Variants in PCDH15 observed in about 807,000 individuals in gnomAD.
The protein encoded by PCDH15 is protocadherin-15.
In PCDH15, 129 loss-of-function variants were observed where a neutral mutation model predicts 178.5. That is an observed-to-expected ratio of 0.72 (90% confidence interval 0.63 to 0.84). The LOEUF is 0.84. Among genes scored for constraint, PCDH15 ranks in the 40% least tolerant of loss-of-function variants. PCDH15 has a pLI of 0.00. For missense variants in PCDH15, 2,230 were observed against 2,099.9 expected (o/e 1.06, Z -1.21); for synonymous variants, 800 against 732.0 (o/e 1.09, Z -1.50).
chr10:54,504,318 C>A (rs1002064927), intron 3 of PCDH15, among the ~76,000 whole-genome samples: 1 of 152,102 alleles, frequency 6.6e-6, no homozygotes, highest in African/African-American at 2.4e-5. Flanking sequence ...CCAACTTGGT[C>A]TTTTTGTCTT....
intron 2 of PCDH15, among the ~76,000 whole-genome samples, chr10:55,475,292 G>T (rs1840040706): frequency 6.6e-6 from 1 of 152,036 alleles, no homozygotes; most frequent in Admixed American, 6.6e-5. Flanking sequence ...ACTAGGTTGG[G>T]AAAAGACAAA....
At chr10:54,894,778 C>A (rs914408446) in intron 3 of PCDH15, among the ~76,000 whole-genome samples, 1 of 152,138 alleles carries the variant, frequency 6.6e-6, no homozygotes, top group Non-Finnish European at 1.5e-5. Flanking sequence ...AAAGCAGGCA[C>A]CTTCTGCTTC....
chr10:55,176,512 A>G (rs1238743631), intron 1 of PCDH15, among the ~76,000 whole-genome samples: 1 of 152,142 alleles, frequency 6.6e-6, no homozygotes, highest in East Asian at 1.9e-4. Context: ...AACCAGAGAC[A>G]AGATCCCAAA....
intron 8 of PCDH15, among the ~76,000 whole-genome samples, chr10:54,308,865 C>T (rs142917285): frequency 6.7e-4 from 102 of 151,870 alleles, no homozygotes; most frequent in African/African-American, 1.8e-3. Context: ...ACAATACTTG[C>T]TGAATTTTAG....
chr10:54,265,765 A>C (rs923213980), intron 8 of PCDH15, among the ~76,000 whole-genome samples: 1 of 152,086 alleles, frequency 6.6e-6, no homozygotes, highest in African/African-American at 2.4e-5. Flanking sequence ...TGGAGCACCA[A>C]GATTCATAAA....
chr10:55,169,264 CA>C (rs1378544144), intron 1 of PCDH15, among the ~76,000 whole-genome samples: 3 of 152,100 alleles, frequency 2.0e-5, no homozygotes, highest in Non-Finnish European at 2.9e-5. Context: ...GTAGTCATTG[CA>C]CAGTGTATAT....
chr10:54,356,565 A>G lies in PCDH15; in HGVS notation c.475-10081T>C, dbSNP rs2099032414. Among the ~76,000 whole-genome samples, 8 of 151,738 alleles carry G rather than the reference A, an allele frequency of 5.3e-5. No individual in the cohort carries two copies. The Admixed American group carries it at 5.3e-4, about 10-fold the overall frequency. On this transcript the variant is annotated intron_variant, in intron 5 of 37. Coordinates refer to ENST00000644397, the MANE Select transcript of PCDH15 (RefSeq NM_001384140.1). ...GTATGACATACTTATATATACATAT[A>G]ATATATGCTGTATATTTATCATACA...
intron 2 of PCDH15, among the ~76,000 whole-genome samples, chr10:55,462,851 A>G (rs1839708936): frequency 6.6e-6 from 1 of 152,160 alleles, no homozygotes; most frequent in Non-Finnish European, 1.5e-5. Context: ...TATTTTGAGA[A>G]TCACAAGTAA....
chr10:54,974,595 T>C (rs1002918157), intron 2 of PCDH15, among the ~76,000 whole-genome samples: 1 of 152,148 alleles, frequency 6.6e-6, no homozygotes, highest in East Asian at 1.9e-4. Flanking sequence ...CTTTTTACTT[T>C]CTTAACATTG....
chr10:55,087,639 T>C (rs1331889560), intron 2 of PCDH15, among the ~76,000 whole-genome samples: 1 of 152,118 alleles, frequency 6.6e-6, no homozygotes, highest in East Asian at 1.9e-4. Flanking sequence ...TACAGACTGT[T>C]ATGGTAAACA....
chr10:55,461,472 T>G (rs1839676037), intron 2 of PCDH15, among the ~76,000 whole-genome samples: 1 of 152,176 alleles, frequency 6.6e-6, no homozygotes, highest in African/African-American at 2.4e-5. Context: ...CAATTATTTT[T>G]GGGGGGAAAA....
chr10:55,210,631 T>TC (rs1840542105), intron 1 of PCDH15, among the ~76,000 whole-genome samples: 1 of 124,606 alleles, frequency 8.0e-6, no homozygotes, highest in Non-Finnish European at 1.7e-5. Flanking sequence ...TTTTTTTTTT[T>TC]TTTTTTTTTT....
intron 1 of PCDH15, among the ~76,000 whole-genome samples, chr10:54,690,696 G>A (rs1171867522): frequency 6.6e-6 from 1 of 152,152 alleles, no homozygotes; most frequent in Non-Finnish European, 1.5e-5. Flanking sequence ...ATTTTAAGCT[G>A]TGGGGAGTTG....
chr10:54,692,368 T>C (rs1459669262), intron 1 of PCDH15, among the ~76,000 whole-genome samples: 1 of 152,232 alleles, frequency 6.6e-6, no homozygotes, highest in African/African-American at 2.4e-5. Context: ...ATACGTTTGC[T>C]TCCAGCAGTA....
chr10:54,240,248 T>G (rs79444053), intron 8 of PCDH15, among the ~76,000 whole-genome samples: 7 of 150,822 alleles, frequency 4.6e-5, no homozygotes, highest in African/African-American at 1.5e-4. Flanking sequence ...AATAATAATA[T>G]GTACGTATTC....
chr10:54,079,459 A>G (rs750834526), intron 16 of PCDH15, 35 bp from the exon 17 acceptor site: 1 of 1,573,470 alleles, frequency 6.4e-7, no homozygotes, highest in South Asian at 1.1e-5. Context: ...TAAGACAAAA[A>G]GAGATATTAT....
intron 25 of PCDH15, among the ~76,000 whole-genome samples, chr10:53,925,627 C>T (rs1206532158): frequency 6.6e-6 from 1 of 152,192 alleles, no homozygotes; most frequent in Non-Finnish European, 1.5e-5. Flanking sequence ...AGATCATTGC[C>T]TCGACAGGGA....
chr10:54,879,382 T>C (rs1236788020), intron 3 of PCDH15, among the ~76,000 whole-genome samples: 1 of 152,124 alleles, frequency 6.6e-6, no homozygotes, highest in Non-Finnish European at 1.5e-5. Flanking sequence ...TTCTGGTAAA[T>C]ATTACTAACT....
intron 18 of PCDH15, among the ~76,000 whole-genome samples, chr10:54,045,355 T>C (rs1411563329): frequency 6.6e-6 from 1 of 152,098 alleles, no homozygotes. Flanking sequence ...TAAACCAATA[T>C]TTATGGTTAG....
Sources: gnomAD v4.1 joint callset for allele counts (sites outside exome capture counted in the v4.1 genomes callset) on GRCh38, gnomAD v4.1.1 for gene constraint, MANE v1.5 for transcripts, NCBI Gene and HGNC (gene_info 2026-07-23, HGNC 2026-07-21) for gene names.